Variants in UNC13C observed in about 807,000 individuals in gnomAD.
UNC13C encodes protein unc-13 homolog C.
In UNC13C, 174 loss-of-function variants were observed where a neutral mutation model predicts 245.4. The observed-to-expected ratio is 0.71, with a 90% CI of 0.63 to 0.80. UNC13C has a LOEUF of 0.80. Among genes scored for constraint, UNC13C ranks in the 30% least tolerant of loss-of-function variants. UNC13C has a pLI of 0.00. For synonymous variants in UNC13C, 992 were observed against 895.1 expected (o/e 1.11, Z -1.93); for missense variants, 2,829 against 2,602.9 (o/e 1.09, Z -1.89).
chr15:54,267,138 G>A (rs1010461868), intron 10 of UNC13C, among the ~76,000 whole-genome samples: 7 of 149,974 alleles, frequency 4.7e-5, no homozygotes, highest in Admixed American at 6.6e-5. Context: ...TGCTAAAACT[G>A]ACATTTGTAT....
chr15:54,102,784 C>G (rs963966404), intron 2 of UNC13C, among the ~76,000 whole-genome samples: 1 of 152,174 alleles, frequency 6.6e-6, no homozygotes, highest in Non-Finnish European at 1.5e-5. Flanking sequence ...AAGATGCACC[C>G]CAGGGGTGTT....
At chr15:54,380,263 C>T (rs1184617101) in intron 17 of UNC13C, among the ~76,000 whole-genome samples, 1 of 152,048 alleles carries the variant, frequency 6.6e-6, no homozygotes, top group African/African-American at 2.4e-5. Flanking sequence ...GCTTAATCCC[C>T]TTAACATAAT....
the UNC13C span, among the ~76,000 whole-genome samples, chr15:53,910,603 A>G: frequency 6.9e-6 from 1 of 145,574 alleles, no homozygotes; most frequent in African/African-American, 2.4e-5. Flanking sequence ...GGGATCCAGG[A>G]TACAGCTCGG....
At chr15:54,180,167 C>T (rs1242053123) in intron 4 of UNC13C, among the ~76,000 whole-genome samples, 1 of 151,964 alleles carries the variant, frequency 6.6e-6, no homozygotes, top group Non-Finnish European at 1.5e-5. Context: ...CTCTTCTCCG[C>T]TCTGATAGTC....
At chr15:54,310,070 A>G (rs2037829033) in intron 13 of UNC13C, among the ~76,000 whole-genome samples, 1 of 151,720 alleles carries the variant, frequency 6.6e-6, no homozygotes, top group South Asian at 2.1e-4. Context: ...ACATTTCCAG[A>G]GATTGCAACA....
At chr15:54,257,066 T>A (rs867539291) in intron 8 of UNC13C, among the ~76,000 whole-genome samples, 22 of 152,238 alleles carry the variant, frequency 1.4e-4, no homozygotes, top group Admixed American at 4.6e-4. Flanking sequence ...TTCCTAGAAG[T>A]CAGAGTCTAG....
intron 2 of UNC13C, among the ~76,000 whole-genome samples, chr15:54,095,966 T>C (rs762152381): frequency 6.6e-6 from 1 of 152,190 alleles, no homozygotes; most frequent in Non-Finnish European, 1.5e-5. Context: ...TTGAGGAAAC[T>C]GGTCATTTTA....
intron 13 of UNC13C, among the ~76,000 whole-genome samples, chr15:54,314,105 C>A (rs900314725): frequency 6.7e-6 from 1 of 149,958 alleles, no homozygotes. Context: ...CTGGAATTCA[C>A]GGAAATAAAG....
intron 30 of UNC13C, chr15:54,611,626 C>G (rs961335658): frequency 1.3e-5 from 2 of 152,202 alleles, no homozygotes; most frequent in Middle Eastern, 6.8e-3. Context: ...GCATATACTC[C>G]TTTGAAACCG....
At chr15:54,576,606 G>T (rs931818750) in intron 30 of UNC13C, among the ~76,000 whole-genome samples, 3 of 152,142 alleles carry the variant, frequency 2.0e-5, no homozygotes, top group African/African-American at 7.2e-5. Context: ...CAAGCTAAAT[G>T]TAAGAAAATA....
At chr15:54,577,044 A>T (rs1469351841) in intron 30 of UNC13C, among the ~76,000 whole-genome samples, 1 of 152,202 alleles carries the variant, frequency 6.6e-6, no homozygotes, top group Non-Finnish European at 1.5e-5. Flanking sequence ...TGTTCTAGAC[A>T]CTGGAACATC....
At chr15:54,624,059 C>T (rs898155939) in intron 32 of UNC13C, 105 bp downstream of exon 32, 2 of 1,413,770 alleles carry the variant, frequency 1.4e-6, no homozygotes, top group Admixed American at 4.1e-5. Context: ...ATGAAGAAGG[C>T]TCTGTTTTTA....
chr15:54,364,377 T>C (rs1431824298), intron 17 of UNC13C, among the ~76,000 whole-genome samples: 1 of 152,124 alleles, frequency 6.6e-6, no homozygotes, highest in East Asian at 1.9e-4. Context: ...GTATTTACAC[T>C]CAGAGCTGCT....
At chr15:54,117,116 TTTG>T (rs533673515) in intron 2 of UNC13C, among the ~76,000 whole-genome samples, 20 of 151,920 alleles carry the variant, frequency 1.3e-4, no homozygotes, top group South Asian at 4.2e-4. Context: ...CCGATTAGTT[TTTG>T]TTGTTGTTGT....
At chr15:54,058,480 A>G (rs1006183946) in intron 2 of UNC13C, among the ~76,000 whole-genome samples, 3 of 152,204 alleles carry the variant, frequency 2.0e-5, no homozygotes, top group Non-Finnish European at 4.4e-5. Context: ...ATAGCTTACC[A>G]ACCAAAAAAG....
rs370850318 is a variant in UNC13C, at chr15:54,018,475, A to G, written c.2983+2589A>G. Among the ~76,000 whole-genome samples, 9 of 152,244 alleles carry G rather than the reference A, an allele frequency of 5.9e-5. No individual in the cohort carries two copies. In the East Asian group the frequency reaches 1.3e-3, roughly 23 times the overall value. ...AACTCCAATGTTTATAGATGTGGAT[A>G]TTTGATGATAATGTTTCAGAGAACT... On this transcript the variant is annotated intron_variant, in intron 2 of 32. Coordinates refer to ENST00000260323, the MANE Select transcript of UNC13C (RefSeq NM_001080534.3).
chr15:54,349,418 A>G (rs1465774350), intron 17 of UNC13C, among the ~76,000 whole-genome samples: 1 of 151,690 alleles, frequency 6.6e-6, no homozygotes, highest in African/African-American at 2.4e-5. Context: ...GAAAATATCA[A>G]TAACATACAT....
intron 4 of UNC13C, 42 bp downstream of exon 4, chr15:54,143,726 T>G (rs2032131606): frequency 6.6e-7 from 1 of 1,507,498 alleles, no homozygotes; most frequent in African/African-American, 1.4e-5. Flanking sequence ...CATTCATAGA[T>G]GGCACTTGGC....
At chr15:54,624,712 T>C (rs1165496101) in intron 32 of UNC13C, among the ~76,000 whole-genome samples, 1 of 152,142 alleles carries the variant, frequency 6.6e-6, no homozygotes, top group Non-Finnish European at 1.5e-5. Flanking sequence ...AACCGGATCC[T>C]AGTAGGGAGA....
Sources: gnomAD v4.1 joint callset for allele counts (sites outside exome capture counted in the v4.1 genomes callset) on GRCh38, gnomAD v4.1.1 for gene constraint, MANE v1.5 for transcripts, NCBI Gene and HGNC (gene_info 2026-07-23, HGNC 2026-07-21) for gene names.